The following CRACD variants were observed in gnomAD, a reference collection of about 807,000 sequenced individuals.
The protein encoded by CRACD is capping protein-inhibiting regulator of actin dynamics.
Under a neutral mutation model 106.8 loss-of-function variants are expected in CRACD, and 56 were observed. The ratio of observed to expected loss-of-function variants is 0.52; its 90% CI spans 0.42 to 0.66. The LOEUF (loss-of-function observed/expected upper bound fraction) is 0.66. CRACD is among the 30% of genes least tolerant of loss of function. The probability of loss-of-function intolerance (pLI) is 0.00; values close to 1 mark genes in which losing one functional copy is unlikely to be tolerated. For synonymous variants in CRACD, 754 were observed against 670.8 expected, an observed-to-expected ratio of 1.12 and a Z score of -1.92; for missense variants, 1,730 against 1,623.2, an observed-to-expected ratio of 1.07 and a Z score of -1.13.
At chr4:56,208,458 A>G (rs1459354700) in intron 2 of CRACD, among the ~76,000 whole-genome samples, 1 of 152,230 alleles carries the variant, frequency 6.6e-6, no homozygotes, top group Non-Finnish European at 1.5e-5. Context: ...TATGCATTAA[A>G]GCATTCCAGC....
chr4:56,321,714 T>A (rs995196978), intron 8 of CRACD, among the ~76,000 whole-genome samples: 1 of 152,224 alleles, frequency 6.6e-6, no homozygotes, highest in African/African-American at 2.4e-5. Context: ...AAACAAAAAC[T>A]CTTTCAAATT....
At chr4:56,090,404 A>G (rs1307273754) in intron 1 of CRACD, among the ~76,000 whole-genome samples, 1 of 152,004 alleles carries the variant, frequency 6.6e-6, no homozygotes, top group African/African-American at 2.4e-5. Context: ...AAGCTGGGCC[A>G]GGGATTTTTT....
chr4:56,111,665 CT>C (rs1324626307), intron 1 of CRACD, among the ~76,000 whole-genome samples: 1 of 152,146 alleles, frequency 6.6e-6, no homozygotes, highest in Non-Finnish European at 1.5e-5. Flanking sequence ...TCTCAGCCTC[CT>C]AAGTAGCCCA....
At chr4:56,068,195 G>A (rs561734541) in intron 1 of CRACD, among the ~76,000 whole-genome samples, 1 of 152,306 alleles carries the variant, frequency 6.6e-6, no homozygotes, top group Admixed American at 6.5e-5. Flanking sequence ...GCTGACATTC[G>A]AACAAAGAGC....
intron 1 of CRACD, among the ~76,000 whole-genome samples, chr4:56,108,003 T>C (rs866556568): frequency 2.0e-5 from 3 of 152,224 alleles, no homozygotes; most frequent in Non-Finnish European, 4.4e-5. Context: ...GGCATCCTGT[T>C]GCCCTGGAGA....
At chr4:56,085,252 G>A (rs746544637) in intron 1 of CRACD, among the ~76,000 whole-genome samples, 7 of 152,076 alleles carry the variant, frequency 4.6e-5, no homozygotes, top group Non-Finnish European at 7.4e-5. Context: ...TTTCCTTCCC[G>A]TTTGACATTA....
At chr4:56,294,947 A>C (rs188892120) in intron 3 of CRACD, among the ~76,000 whole-genome samples, 1 of 150,784 alleles carries the variant, frequency 6.6e-6, no homozygotes, top group African/African-American at 2.4e-5. Context: ...AAAAAGAAAA[A>C]AAAGAAAAGA....
At chr4:56,224,193 T>C (rs764905225) in intron 2 of CRACD, among the ~76,000 whole-genome samples, 9 of 152,212 alleles carry the variant, frequency 5.9e-5, no homozygotes, top group African/African-American at 7.2e-5. Flanking sequence ...TTAAGAAGAA[T>C]GACATCTTTA....
At chr4:56,150,228 G>A (rs899813289) in intron 1 of CRACD, among the ~76,000 whole-genome samples, 1 of 152,212 alleles carries the variant, frequency 6.6e-6, no homozygotes, top group Admixed American at 6.5e-5. Flanking sequence ...ATGTCATGAA[G>A]CTTCACTTTG....
chr4:56,203,830 C>T (rs141758606), intron 2 of CRACD, among the ~76,000 whole-genome samples: 203 of 152,300 alleles, frequency 1.3e-3, no homozygotes, highest in Non-Finnish European at 2.6e-3. Flanking sequence ...TCACCAAGAA[C>T]AGGCACATAG....
chr4:56,091,379 T>C (rs112289460), intron 1 of CRACD, among the ~76,000 whole-genome samples: 1,957 of 135,424 alleles, frequency 0.014, 21 homozygotes, highest in East Asian at 0.072. Context: ...TTTTTTTTTT[T>C]AAACGCAGGC....
At chr4:56,201,788 A>G (rs1175627379) in intron 2 of CRACD, among the ~76,000 whole-genome samples, 1 of 152,188 alleles carries the variant, frequency 6.6e-6, no homozygotes, top group African/African-American at 2.4e-5. Context: ...TGAGAGTGTA[A>G]TTCATTGACC....
intron 1 of CRACD, among the ~76,000 whole-genome samples, chr4:56,118,326 A>G (rs1734365674): frequency 6.6e-6 from 1 of 152,178 alleles, no homozygotes; most frequent in Non-Finnish European, 1.5e-5. Flanking sequence ...TCACTTAGGA[A>G]CACTTACTGG....
chr4:56,084,272 C>T (rs1733139471), intron 1 of CRACD, among the ~76,000 whole-genome samples: 2 of 152,150 alleles, frequency 1.3e-5, no homozygotes, highest in South Asian at 4.1e-4. Context: ...CTTATTATTT[C>T]ACTCTTTCCT....
intron 1 of CRACD, among the ~76,000 whole-genome samples, chr4:56,135,487 C>T (rs911397451): frequency 1.3e-5 from 2 of 152,170 alleles, no homozygotes; most frequent in African/African-American, 2.4e-5. Context: ...GTCAAATGTC[C>T]ATTTTCAGTG....
In CRACD at chr4:56,314,608, G is replaced by T; in HGVS notation, c.1106G>T (p.Trp369Leu). ...CAGGAGGAGGAGGAGGCTGAGGGAT[G>T]GGAAGAGCTGGAACAGCAGGAGGCG... ...KRQEEEEAEGWEELEQQEAEV... is the reference protein window; with the variant it reads ...KRQEEEEAEGLEELEQQEAEV... Residue 369 changes from tryptophan (W) to leucine (L), a missense_variant, in exon 8 of 11, where the codon TGG (tryptophan) becomes TTG (leucine). Coordinates refer to ENST00000682029, the MANE Select transcript of CRACD (RefSeq NM_001393381.1). The surrounding 1 kb of genome is among the most constrained non-coding windows in gnomAD (Gnocchi z 4.4). 1 of 1,531,476 alleles carries T rather than the reference G, an allele frequency of 6.5e-7. No individual in the cohort carries two copies. The highest frequency in any genetic ancestry group is 8.8e-7 in the Non-Finnish European group (1 of 1,138,540). The allele number at this position is 1,531,476 out of a possible 1,614,324, so 94.9% of individuals were successfully genotyped here.
At position 56,065,411 on chromosome 4, in the gene CRACD, G is replaced by A. The variant is rs537750771; in HGVS notation, c.-336+16112G>A. Among the ~76,000 whole-genome samples the A allele has an allele frequency of 1.8e-3, 268 of 152,252 alleles. 4 individuals carry two copies. Among genetic ancestry groups the A allele is most frequent in the Non-Finnish European group, 4.9e-4 (33 of 68,014 alleles). On this transcript the variant is annotated intron_variant, in intron 1 of 10. Coordinates refer to ENST00000682029, the MANE Select transcript of CRACD (RefSeq NM_001393381.1). ...CACCATGAGTCTTTATGATCACTCA[G>A]GGACTGTTACTTTCCGAGATTCACC...
At chr4:56,219,140 C>G (rs1738896868) in intron 2 of CRACD, among the ~76,000 whole-genome samples, 1 of 152,180 alleles carries the variant, frequency 6.6e-6, no homozygotes, top group South Asian at 2.1e-4. Context: ...TCTTACCTTA[C>G]TTTTACTCCC....
chr4:56,252,393 G>C (rs1185559753), intron 2 of CRACD, among the ~76,000 whole-genome samples: 1 of 152,132 alleles, frequency 6.6e-6, no homozygotes, highest in Non-Finnish European at 1.5e-5. Flanking sequence ...CTTACATGAG[G>C]CCAGAATTAG....
Sources: allele counts gnomAD v4.1 joint callset (sites outside exome capture counted in the v4.1 genomes callset), GRCh38; gene constraint gnomAD v4.1.1; non-coding constraint Gnocchi (gnomAD v3.1); transcripts MANE v1.5; gene names NCBI Gene and HGNC (gene_info 2026-07-23, HGNC 2026-07-21).